BPIFB1: variants seen among roughly 807,000 people sequenced by gnomAD.
BPIFB1 encodes BPI fold-containing family B member 1.
A neutral mutation model predicts 55.1 loss-of-function variants in BPIFB1; 34 were observed. The ratio of observed to expected loss-of-function variants is 0.62; its 90% confidence interval spans 0.47 to 0.82. The LOEUF (loss-of-function observed/expected upper bound fraction) is 0.82. Among genes scored for constraint, BPIFB1 ranks in the 40% least tolerant of loss-of-function variants. The pLI, the probability that BPIFB1 is intolerant of heterozygous loss-of-function variation, is 0.00. For synonymous variants in BPIFB1, 236 were observed against 245.3 expected, an observed-to-expected ratio of 0.96 and a Z score of 0.35; for missense variants, 532 against 593.1, an observed-to-expected ratio of 0.90 and a Z score of 1.07.
intron 1 of BPIFB1, among the ~76,000 whole-genome samples, chr20:33,285,019 T>G (rs947004408): frequency 1.3e-5 from 2 of 152,174 alleles, no homozygotes; most frequent in East Asian, 3.9e-4. Flanking sequence ...CTCATTTCCT[T>G]CCTGCCTCCA....
intron 8 of BPIFB1, among the ~76,000 whole-genome samples, chr20:33,300,777 G>A (rs1318734984): frequency 6.6e-6 from 1 of 151,974 alleles, no homozygotes; most frequent in Non-Finnish European, 1.5e-5. Flanking sequence ...TTGTAAAGAT[G>A]GGGTTCCGCC....
At chr20:33,305,964 C>T (rs762269664) in intron 13 of BPIFB1, 38 bp from the exon 14 acceptor site, 1 of 1,610,066 alleles carries the variant, frequency 6.2e-7, no homozygotes, top group Non-Finnish European at 8.5e-7. Flanking sequence ...ACTTCAGATG[C>T]TCAACCAGGG....
intron 6 of BPIFB1, 61 bp from the exon 7 acceptor site, chr20:33,297,464 G>A: frequency 1.3e-6 from 2 of 1,568,190 alleles, no homozygotes; most frequent in South Asian, 1.1e-5. Context: ...ACAGCCCGGG[G>A]CTGCTGTGGG....
Position 33,292,091 on chromosome 20 carries a change from GGTT to G in BPIFB1, c.597+104_597+106del, listed in dbSNP as rs1169511781. ...TAAGTGACTGGAGTCTCCTTGGGTG[GGTT>G]TTGCTGAAAGAATTATCTGGGGCTG... is the stretch of plus-strand genomic sequence containing the variant. On this transcript the variant is annotated intron_variant, in intron 6 of 15. Coordinates refer to ENST00000253354, the MANE Select transcript of BPIFB1 (RefSeq NM_033197.3). 11 of 1,078,532 alleles carry G rather than the reference GGTT, an allele frequency of 1.0e-5. No individual in the cohort carries two copies. In the Admixed American group the frequency reaches 2.0e-4, roughly 20 times the overall value. The allele number at this position is 1,078,532 out of a possible 1,614,324, so 66.8% of individuals were successfully genotyped here.
At position 33,288,760 on chromosome 20, in the gene BPIFB1, G is replaced by A; in HGVS notation, c.135G>A (p.Lys45=). ...VIKEKLTQEL[K]DHNATSILQQ... ...CTCCAGAGCTGACACAGGAGCTGAA[G>A]GACCACAACGCCACCAGCATCCTGC... The change falls in exon 3 of 16, where the codon AAG becomes AAA. Residue 45 remains lysine, a synonymous_variant. Coordinates refer to ENST00000253354, the MANE Select transcript of BPIFB1 (RefSeq NM_033197.3). 1.2e-6 allele frequency: 2 copies of A among 1,613,890 alleles called. No individual in the cohort carries two copies. The highest frequency in any genetic ancestry group is 1.7e-6 in the Non-Finnish European group (2 of 1,179,982).
intron 9 of BPIFB1, among the ~76,000 whole-genome samples, chr20:33,301,929 G>A (rs1455659151): frequency 6.6e-6 from 1 of 152,148 alleles, no homozygotes; most frequent in East Asian, 1.9e-4. Context: ...GGAAATTGAG[G>A]TCCAGAGGGG....
intron 15 of BPIFB1, among the ~76,000 whole-genome samples, chr20:33,308,903 C>T (rs1981139463): frequency 6.6e-6 from 1 of 151,352 alleles, no homozygotes; most frequent in East Asian, 1.9e-4. Context: ...CATACATACA[C>T]ACACATACAC....
rs1056899792 is a variant in BPIFB1, at chr20:33,301,129, G to T, written c.748-104G>T. ...CAGGCTAAGCTTCCTGGCAACAAAT[G>T]CACAAAAAGGAAACAGGCTGAATGG... On this transcript the variant is annotated intron_variant, in intron 8 of 15. Transcript: ENST00000253354. The T allele has an allele frequency of 5.0e-6, 6 of 1,188,370 alleles. No homozygotes were observed. In the African/African-American group the frequency reaches 7.6e-5, roughly 15 times the overall value. The allele number at this position is 1,188,370 out of a possible 1,614,324, so 73.6% of individuals were successfully genotyped here. A position where few individuals can be genotyped will look rare whatever the true frequency, so the allele number is the denominator to read the frequency against.
At chr20:33,294,680 T>C (rs1263590259) in intron 6 of BPIFB1, among the ~76,000 whole-genome samples, 3 of 152,210 alleles carry the variant, frequency 2.0e-5, no homozygotes, top group South Asian at 4.1e-4. Context: ...GTTAAAAATA[T>C]ATTTTCCAGT....
intron 15 of BPIFB1, among the ~76,000 whole-genome samples, chr20:33,308,621 C>T (rs1373148938): frequency 7.4e-6 from 1 of 135,206 alleles, no homozygotes; most frequent in Admixed American, 7.3e-5. Context: ...CATACACACA[C>T]ACACCTTTAT....
chr20:33,294,028 CGTTT>C (rs944806782), intron 6 of BPIFB1, among the ~76,000 whole-genome samples: 21 of 152,224 alleles, frequency 1.4e-4, no homozygotes, highest in Admixed American at 1.3e-3. Context: ...TATACTATTA[CGTTT>C]GTTTCTCTAA....
intron 6 of BPIFB1, among the ~76,000 whole-genome samples, chr20:33,293,857 A>C (rs1327226596): frequency 7.0e-6 from 1 of 143,320 alleles, no homozygotes; most frequent in Non-Finnish European, 1.5e-5. Context: ...TAAATAAATA[A>C]ATAACACTGC....
At chr20:33,283,438 C>T (rs1980161314) in intron 1 of BPIFB1, among the ~76,000 whole-genome samples, 184 bp downstream of exon 1, 2 of 152,148 alleles carry the variant, frequency 1.3e-5, no homozygotes, top group African/African-American at 4.8e-5. Flanking sequence ...GCCCAGAGGA[C>T]CAAAGGGCAG....
At chr20:33,293,051 G>A (rs1444326188) in intron 6 of BPIFB1, among the ~76,000 whole-genome samples, 1 of 152,150 alleles carries the variant, frequency 6.6e-6, no homozygotes, top group African/African-American at 2.4e-5. Context: ...CCTCCCAAGT[G>A]GCTGGGATGA....
intron 6 of BPIFB1, among the ~76,000 whole-genome samples, chr20:33,294,012 G>A (rs1980555515): frequency 6.6e-6 from 1 of 152,080 alleles, no homozygotes; most frequent in Non-Finnish European, 1.5e-5. Flanking sequence ...TACATCAACT[G>A]TACAATATAC....
intron 4 of BPIFB1, 82 bp downstream of exon 4, chr20:33,290,074 G>A: frequency 1.8e-6 from 2 of 1,092,804 alleles, no homozygotes; most frequent in South Asian, 1.3e-5. Flanking sequence ...CCATGCAGGT[G>A]TCTGGAAAAG....
In BPIFB1 at chr20:33,301,318, T is replaced by C; in HGVS notation, c.833T>C (p.Ile278Thr). The change falls in exon 9 of 16, where the codon ATC becomes ACC. Residue 278 changes from isoleucine (I) to threonine (T), a missense_variant. Ile to Thr is a moderately conservative substitution (Grantham distance 89). Transcript: ENST00000253354. ...ASLTMPTLDN[I>T]PFSLIVSQDV... ...CTGACAATGCCCACCCTGGACAACA[T>C]CCCGTTCAGCCTCATCGTGAGTCAG... is the stretch of plus-strand genomic sequence containing the variant. The C allele has an allele frequency of 6.2e-7, 1 of 1,614,174 alleles. No homozygotes were observed. Among genetic ancestry groups the C allele is most frequent in the Non-Finnish European group, 8.5e-7 (1 of 1,180,032 alleles).
rs1232482889 is a variant in BPIFB1, at chr20:33,289,912, C to T, written c.285C>T (p.Leu95=). The change falls in exon 4 of 16, where the codon CTC becomes CTT. Residue 95 remains leucine (L), a synonymous_variant. Transcript: ENST00000253354. The stretch of plus-strand genomic sequence containing the variant: ...TGAAGGTCATCACAGCTAACATCCT[C>T]CAGCTGCAGGTGAAGCCCTCGGCCA... ...IWLKVITANI[L]QLQVKPSAND... is the part of the protein sequence containing the mutation. 1 of 1,614,168 alleles carries T rather than the reference C, an allele frequency of 6.2e-7. No individual in the cohort carries two copies.
chr20:33,302,800 G>A, intron 10 of BPIFB1, 116 bp from the exon 11 acceptor site: 2 of 1,179,772 alleles, frequency 1.7e-6, no homozygotes, highest in Non-Finnish European at 2.4e-6. Context: ...CAGGGTGGCT[G>A]GAACACGTGA....
Sources: allele counts gnomAD v4.1 joint callset (sites outside exome capture counted in the v4.1 genomes callset), GRCh38; gene constraint gnomAD v4.1.1; transcripts MANE v1.5; gene names NCBI Gene and HGNC (gene_info 2026-07-23, HGNC 2026-07-21).